DGKB: variants seen among roughly 807,000 people sequenced by gnomAD.
The protein encoded by DGKB is 90 kDa diacylglycerol kinase.
Under a neutral mutation model 114.3 loss-of-function variants are expected in DGKB, and 67 were observed. That is an observed-to-expected ratio of 0.59 (90% CI 0.48 to 0.72). DGKB has a LOEUF of 0.72. Among genes scored for constraint, DGKB ranks in the 30% least tolerant of loss-of-function variants. The pLI, the probability that DGKB is intolerant of heterozygous loss-of-function variation, is 0.00. For synonymous variants in DGKB, 398 were observed against 323.1 expected, an observed-to-expected ratio of 1.23 and a Z score of -2.49; for missense variants, 907 against 975.2, an observed-to-expected ratio of 0.93 and a Z score of 0.93.
At chr7:14,511,651 C>A (rs375828715) in intron 20 of DGKB, among the ~76,000 whole-genome samples, 3 of 152,180 alleles carry the variant, frequency 2.0e-5, no homozygotes, top group Non-Finnish European at 2.9e-5. Context: ...ACTTGAATAA[C>A]TGTTTGGCTC....
At chr7:14,945,647 C>T (rs922260598) in intron 1 of DGKB, among the ~76,000 whole-genome samples, 1 of 151,656 alleles carries the variant, frequency 6.6e-6, no homozygotes, top group Non-Finnish European at 1.5e-5. Flanking sequence ...TATATCAGAA[C>T]ACATGCCACT....
At chr7:14,694,236 A>G (rs1271846485) in intron 8 of DGKB, 42 bp from the exon 9 acceptor site, 1 of 1,529,406 alleles carries the variant, frequency 6.5e-7, no homozygotes, top group Non-Finnish European at 8.8e-7. Context: ...GTCAACCAAT[A>G]AAATAAATTT....
At chr7:14,462,474 C>G (rs907762575) in intron 21 of DGKB, among the ~76,000 whole-genome samples, 17 of 152,068 alleles carry the variant, frequency 1.1e-4, no homozygotes, top group African/African-American at 3.9e-4. Context: ...GACCAAGAGC[C>G]AAGTCATGAG....
chr7:14,149,079 T>A lies in DGKB; in HGVS notation c.*52A>T. The A allele has an allele frequency of 6.9e-7, 1 of 1,458,760 alleles. No individual in the cohort carries two copies. The highest frequency in any genetic ancestry group is 1.1e-5 in the South Asian group (1 of 87,944). 90.4% of individuals were successfully genotyped at this position (1,458,760 alleles called of 1,614,324 possible). ...GGTTCAAAGATTTCCAGCATATGTG[T>A]TCCATGGCCCAATTATGCTAATTCA... is the stretch of plus-strand genomic sequence containing the variant. On this transcript the variant is annotated 3_prime_UTR_variant, in exon 26 of 26. Coordinates refer to ENST00000402815, the MANE Select transcript of DGKB (RefSeq NM_001350709.2).
chr7:14,350,438 C>T (rs17168087), intron 21 of DGKB, among the ~76,000 whole-genome samples: 101,876 of 151,640 alleles, frequency 0.67, 34,965 homozygotes, highest in Middle Eastern at 0.81. Context: ...GTGCATTTTC[C>T]GAAAAGAATA....
At chr7:14,708,766 A>C (rs920184887) in intron 6 of DGKB, among the ~76,000 whole-genome samples, 19 of 150,348 alleles carry the variant, frequency 1.3e-4, no homozygotes, top group Non-Finnish European at 1.9e-4. Context: ...AGCCATACGT[A>C]GAAAGCTGAA....
At chr7:14,871,805 A>G (rs2128197533) in intron 1 of DGKB, among the ~76,000 whole-genome samples, 1 of 152,280 alleles carries the variant, frequency 6.6e-6, no homozygotes. Context: ...ATATATGGGG[A>G]GGTGTGGTGA....
chr7:14,856,717 CTTTATT>C (rs1850206723), intron 1 of DGKB, among the ~76,000 whole-genome samples: 1 of 151,792 alleles, frequency 6.6e-6, no homozygotes, highest in African/African-American at 2.4e-5. Context: ...AAGATTTAGG[CTTTATT>C]TTTAATTTTT....
intron 17 of DGKB, among the ~76,000 whole-genome samples, chr7:14,588,157 T>C (rs574172353): frequency 1.3e-5 from 2 of 151,908 alleles, no homozygotes; most frequent in Admixed American, 1.3e-4. Flanking sequence ...ATTTTATTTC[T>C]TATTTTTGTG....
intron 1 of DGKB, among the ~76,000 whole-genome samples, chr7:14,848,168 G>A (rs561278078): frequency 6.6e-6 from 1 of 152,292 alleles, no homozygotes; most frequent in African/African-American, 2.4e-5. Flanking sequence ...TTCCAATATT[G>A]TGTGAGAGCT....
intron 5 of DGKB, among the ~76,000 whole-genome samples, chr7:14,720,189 A>T (rs1426676812): frequency 2.6e-5 from 4 of 152,082 alleles, no homozygotes; most frequent in Non-Finnish European, 5.9e-5. Context: ...ATTCTATCCT[A>T]TTCTGAAAAT....
chr7:14,405,161 T>C, intron 21 of DGKB, among the ~76,000 whole-genome samples: 1 of 151,942 alleles, frequency 6.6e-6, no homozygotes, highest in East Asian at 1.9e-4. Flanking sequence ...GTGTACAGTG[T>C]TGCATATGTG....
chr7:14,433,141 C>T (rs745880190), intron 21 of DGKB, among the ~76,000 whole-genome samples: 4 of 152,106 alleles, frequency 2.6e-5, no homozygotes, highest in African/African-American at 7.2e-5. Context: ...CCTGGGAGCA[C>T]GTCGTATCTA....
chr7:14,601,849 T>C (rs568632829), intron 17 of DGKB, among the ~76,000 whole-genome samples: 2 of 152,170 alleles, frequency 1.3e-5, no homozygotes, highest in Non-Finnish European at 2.9e-5. Context: ...TTCTTATCCA[T>C]ATTTCTAGCA....
intron 1 of DGKB, among the ~76,000 whole-genome samples, chr7:14,919,231 C>T (rs1784403981): frequency 6.6e-6 from 1 of 151,968 alleles, no homozygotes; most frequent in South Asian, 2.1e-4. Context: ...TACTATACAG[C>T]TACTGTAATC....
chr7:14,494,612 A>G (rs1237658132), intron 20 of DGKB, among the ~76,000 whole-genome samples: 1 of 151,986 alleles, frequency 6.6e-6, no homozygotes, highest in Non-Finnish European at 1.5e-5. Context: ...TCTCACAAAC[A>G]AAATATTATG....
chr7:14,929,567 ATTAT>A (rs138570524), intron 1 of DGKB, among the ~76,000 whole-genome samples: 1 of 151,916 alleles, frequency 6.6e-6, no homozygotes, highest in African/African-American at 2.4e-5. Context: ...TTTTAATAAG[ATTAT>A]TTGTTTCGTT....
chr7:14,387,207 A>G (rs1158739531), intron 21 of DGKB, among the ~76,000 whole-genome samples: 2 of 151,846 alleles, frequency 1.3e-5, no homozygotes, highest in Admixed American at 6.6e-5. Flanking sequence ...GTGGATCACG[A>G]GGTCAGGAGA....
At chr7:14,299,247 G>A (rs943185282) in intron 23 of DGKB, among the ~76,000 whole-genome samples, 1 of 152,040 alleles carries the variant, frequency 6.6e-6, no homozygotes, top group Non-Finnish European at 1.5e-5. Flanking sequence ...AGAAAAAGAG[G>A]CATTTCATAA....
Sources: gnomAD v4.1 joint callset for allele counts (sites outside exome capture counted in the v4.1 genomes callset) on GRCh38, gnomAD v4.1.1 for gene constraint, MANE v1.5 for transcripts, NCBI Gene and HGNC (gene_info 2026-07-23, HGNC 2026-07-21) for gene names.